The following MORC2 variants were observed in gnomAD, a reference collection of about 807,000 sequenced individuals.
The protein encoded by MORC2 is ATPase MORC2.
In MORC2, 30 loss-of-function variants were observed where a neutral mutation model predicts 136.0. That is an observed-to-expected ratio of 0.22 (90% confidence interval 0.17 to 0.30). The LOEUF (loss-of-function observed/expected upper bound fraction) is 0.30. Among genes scored for constraint, MORC2 ranks in the 10% least tolerant of loss-of-function variants. MORC2 has a pLI of 1.00. For synonymous variants in MORC2, 439 were observed against 487.0 expected, an observed-to-expected ratio of 0.90 and a Z score of 1.30; for missense variants, 922 against 1,333.1, an observed-to-expected ratio of 0.69 and a Z score of 4.80.
At chr22:30,959,172 G>GT (rs1555944517) in intron 1 of MORC2, among the ~76,000 whole-genome samples, 2 of 152,160 alleles carry the variant, frequency 1.3e-5, no homozygotes, top group Non-Finnish European at 2.9e-5. Context: ...CTGGAGTATA[G>GT]TAAGTTTTGA....
chr22:30,929,531 G>C (rs1365873290), intron 24 of MORC2, among the ~76,000 whole-genome samples: 1 of 152,078 alleles, frequency 6.6e-6, no homozygotes, highest in Admixed American at 6.5e-5. Context: ...GGTGGATCAC[G>C]AGGTCAGGAG....
chr22:30,950,535 T>C, intron 3 of MORC2, 90 bp from the exon 4 acceptor site: 2 of 1,355,384 alleles, frequency 1.5e-6, no homozygotes, highest in Non-Finnish European at 2.1e-6. Context: ...ATGTGAAGCT[T>C]GGTCCAAAAA....
At position 30,937,002 on chromosome 22, in the gene MORC2, G is replaced by A; in HGVS notation, c.1534C>T (p.Leu512=). 6.2e-7 allele frequency: 1 copy of A among 1,614,120 alleles called. No individual in the cohort carries two copies. Among genetic ancestry groups the A allele is most frequent in the Middle Eastern group, 1.6e-4 (1 of 6,062 alleles). ...CLKWRTLPFQ[L]SSVEKDYPDT... The stretch of plus-strand genomic sequence containing the variant: ...GGGTAATCTTTTTCCACAGAACTCA[G>A]CTGGAAGGGGAGGGTTCTCCATTTC... The change falls in exon 16 of 26, where the codon CTG becomes TTG. Residue 512 remains leucine (L), a synonymous_variant. Coordinates refer to ENST00000397641, the MANE Select transcript of MORC2 (RefSeq NM_001303256.3). The surrounding 1 kb of genome is among the most constrained non-coding windows in gnomAD (Gnocchi z 4.7).
chr22:30,926,780 G>A lies in MORC2; in HGVS notation c.*23C>T. On this transcript the variant is annotated 3_prime_UTR_variant, in exon 26 of 26. Coordinates refer to ENST00000397641, the MANE Select transcript of MORC2 (RefSeq NM_001303256.3). ...ACAGGGTTGAGGGGCAGGTGGGCAG[G>A]GGAGCTGCTCTCTCTCCTGCCTTCA... is the stretch of plus-strand genomic sequence containing the variant. 2 of 1,607,664 alleles carry A rather than the reference G, an allele frequency of 1.2e-6. No homozygotes were observed. The highest frequency in any genetic ancestry group is 8.5e-7 in the Non-Finnish European group (1 of 1,175,610).
chr22:30,946,235 A>G, intron 6 of MORC2, 106 bp downstream of exon 6: 1 of 802,006 alleles, frequency 1.2e-6, no homozygotes, highest in Non-Finnish European at 2.0e-6. Flanking sequence ...ATGTGCTCCA[A>G]TCCTGCAACC....
intron 25 of MORC2, among the ~76,000 whole-genome samples, chr22:30,927,166 G>C (rs2040498356): frequency 6.6e-6 from 1 of 151,844 alleles, no homozygotes; most frequent in Non-Finnish European, 1.5e-5. Context: ...TCCCTTCTCT[G>C]TCACTGCCCA....
At chr22:30,946,283 GCCTGGGCAGACTCAGGAA>G in intron 6 of MORC2, 40 bp downstream of exon 6, 1 of 1,414,246 alleles carries the variant, frequency 7.1e-7, no homozygotes, top group African/African-American at 1.4e-5. Flanking sequence ...TACGAAAACC[GCCTGGGCAGACTCAGGAA>G]ATGAGGACTG....
intron 1 of MORC2, among the ~76,000 whole-genome samples, chr22:30,960,260 C>T (rs1336608951): frequency 6.6e-6 from 1 of 152,190 alleles, no homozygotes; most frequent in Non-Finnish European, 1.5e-5. Flanking sequence ...AGCCACCACA[C>T]ACGGCCTACA....
In MORC2 at chr22:30,932,577, G is replaced by A. The variant is rs765227719; in HGVS notation, c.2715C>T (p.His905=). 1.2e-5 allele frequency: 19 copies of A among 1,614,028 alleles called. No homozygotes were observed. In the East Asian group the frequency reaches 1.6e-4, roughly 13 times the overall value. ...EPDTTALSTN[H]ETIDLLVQIL... Reference sequence around the variant, plus strand: ...TCTGGACAAGCAGGTCGATGGTCTCGTGATTGGTGCTCAGGGCAGTGGTGT... The same window carrying A: ...TCTGGACAAGCAGGTCGATGGTCTCATGATTGGTGCTCAGGGCAGTGGTGT... Residue 905 remains histidine (H), a synonymous_variant, in exon 23 of 26, where the codon CAC becomes CAT. Coordinates refer to ENST00000397641, the MANE Select transcript of MORC2 (RefSeq NM_001303256.3). The surrounding 1 kb of genome is among the most constrained non-coding windows in gnomAD (Gnocchi z 4.4).
chr22:30,945,495 T>C (rs1341714878), intron 6 of MORC2, among the ~76,000 whole-genome samples: 1 of 152,176 alleles, frequency 6.6e-6, no homozygotes, highest in Non-Finnish European at 1.5e-5. Context: ...CAGAACCTCT[T>C]AGCCCCCCTT....
chr22:30,932,463 C>T lies in MORC2; in HGVS notation c.2748-11G>A. The T allele has an allele frequency of 1.9e-6, 3 of 1,613,412 alleles. No homozygotes were observed. Among genetic ancestry groups the T allele is most frequent in the South Asian group, 1.1e-5 (1 of 91,028 alleles). ...TACCGTAAACAATTCCTAAAGAAGGCAGGGACAGTAATTCAGAATGGCATG... is the reference window on the plus strand; with the variant it reads ...TACCGTAAACAATTCCTAAAGAAGGTAGGGACAGTAATTCAGAATGGCATG... On this transcript the variant is annotated splice_polypyrimidine_tract_variant and intron_variant, in intron 23 of 25. Transcript: ENST00000397641. The surrounding 1 kb of genome is among the most constrained non-coding windows in gnomAD (Gnocchi z 4.4).
intron 3 of MORC2, among the ~76,000 whole-genome samples, chr22:30,951,642 C>T (rs1240258029): frequency 1.3e-5 from 2 of 152,170 alleles, no homozygotes; most frequent in African/African-American, 4.8e-5. Flanking sequence ...CAGCCTGGTC[C>T]CTGATGATTT....
chr22:30,942,995 A>C (rs563447826), intron 6 of MORC2, among the ~76,000 whole-genome samples: 1 of 151,968 alleles, frequency 6.6e-6, no homozygotes, highest in African/African-American at 2.4e-5. Context: ...ACAGAGCAAG[A>C]CTCCATCTCA....
At chr22:30,953,330 C>T (rs1352859554) in intron 3 of MORC2, among the ~76,000 whole-genome samples, 2 of 152,228 alleles carry the variant, frequency 1.3e-5, no homozygotes, top group African/African-American at 4.8e-5. Context: ...GCCTGCTTTG[C>T]AGCTGTGCTT....
In MORC2 at chr22:30,968,346, C is replaced by A. The variant is rs1230382997; in HGVS notation, c.-457G>T. ...AAATTTACCCACTTCTGTCAGAAAA[C>A]TGATCAGCCATGTCTTCGCCACACG... On this transcript the variant is annotated 5_prime_UTR_variant, in exon 1 of 26. Transcript: ENST00000397641. 6.3e-6 allele frequency: 1 copy of A among 158,212 alleles called. No homozygotes were observed. Among genetic ancestry groups the A allele is most frequent in the Non-Finnish European group, 1.4e-5 (1 of 71,512 alleles). The allele number at this position is 158,212 out of a possible 1,614,324, so 9.8% of individuals were successfully genotyped here. A position where few individuals can be genotyped will look rare whatever the true frequency, so the allele number is the denominator to read the frequency against.
chr22:30,951,075 T>C (rs2040879798), intron 3 of MORC2, among the ~76,000 whole-genome samples: 1 of 152,198 alleles, frequency 6.6e-6, no homozygotes. Context: ...GGGCTCCCCA[T>C]CCCAACAGTG....
At chr22:30,931,499 G>A (rs2040575651) in intron 24 of MORC2, among the ~76,000 whole-genome samples, 1 of 152,208 alleles carries the variant, frequency 6.6e-6, no homozygotes, top group Admixed American at 6.5e-5. Flanking sequence ...GTTTAAGCCA[G>A]TATGACTTAC....
rs201792004 is a variant in MORC2 at position 30,933,527 on chromosome 22, G to A, written c.2326-7C>T. On this transcript the variant is annotated splice_polypyrimidine_tract_variant and splice_region_variant and intron_variant, in intron 20 of 25. Coordinates refer to ENST00000397641, the MANE Select transcript of MORC2 (RefSeq NM_001303256.3). Reference sequence around the variant, plus strand: ...CCCCAGCACTGTCTGAGAGCTGCGTGGAGAGCAGTCTATTAGAGGCATCCC... The same window carrying A: ...CCCCAGCACTGTCTGAGAGCTGCGTAGAGAGCAGTCTATTAGAGGCATCCC... 2 of 1,613,592 alleles carry A rather than the reference G, an allele frequency of 1.2e-6. No homozygotes were observed. The highest frequency in any genetic ancestry group is 1.7e-4 in the Middle Eastern group (1 of 6,060).
intron 5 of MORC2, among the ~76,000 whole-genome samples, chr22:30,946,776 A>C (rs1343805160): frequency 6.6e-6 from 1 of 152,070 alleles, no homozygotes; most frequent in African/African-American, 2.4e-5. Flanking sequence ...CTCCCCCCAC[A>C]ACGCTGAAGA....
Sources: allele counts gnomAD v4.1 joint callset (sites outside exome capture counted in the v4.1 genomes callset), GRCh38; gene constraint gnomAD v4.1.1; non-coding constraint Gnocchi (gnomAD v3.1); transcripts MANE v1.5; gene names NCBI Gene and HGNC (gene_info 2026-07-23, HGNC 2026-07-21).